The following PDXDC1 variants were observed in gnomAD, a reference collection of about 807,000 sequenced individuals.
PDXDC1 encodes the protein pyridoxal dependent decarboxylase domain containing 1.
Under a neutral mutation model 100.1 loss-of-function variants are expected in PDXDC1, and 42 were observed. The observed-to-expected ratio is 0.42, with a 90% CI of 0.33 to 0.54. The LOEUF is 0.54. PDXDC1 is among the 20% of genes least tolerant of loss of function. The pLI, the probability that PDXDC1 is intolerant of heterozygous loss-of-function variation, is 0.10. For missense variants in PDXDC1, 636 were observed against 979.2 expected, an observed-to-expected ratio of 0.65 and a Z score of 4.68; for synonymous variants, 260 against 371.7, an observed-to-expected ratio of 0.70 and a Z score of 3.46.
downstream of PDXDC1, among the ~76,000 whole-genome samples, chr16:15,143,695 T>A (rs574657695): frequency 2.4e-4 from 37 of 152,288 alleles, no homozygotes; most frequent in Admixed American, 1.2e-3. Flanking sequence ...CGTGCAACAG[T>A]GGGACTGAGA....
At chr16:15,148,930 A>G in the PDXDC1 span, among the ~76,000 whole-genome samples, 2 of 152,064 alleles carry the variant, frequency 1.3e-5, no homozygotes, top group Non-Finnish European at 2.9e-5. Context: ...ATTTTTGTCC[A>G]CAAGTTTGGC....
At chr16:15,041,496 A>G (rs773329039), downstream of PDXDC1, 7 of 764,928 alleles carry the variant, frequency 9.2e-6, no homozygotes, top group Admixed American at 3.5e-5. Context: ...CACCACAGGA[A>G]GAGCCGGAAC....
chr16:15,104,309 G>C (rs2046681460), intron 16 of PDXDC1: 1 of 1,508,930 alleles, frequency 6.6e-7, no homozygotes, highest in African/African-American at 1.4e-5. Flanking sequence ...AAGGACTGCA[G>C]TATTCATTTT....
chr16:15,050,052 A>C (rs2044236458), intron 16 of PDXDC1, among the ~76,000 whole-genome samples: 1 of 152,192 alleles, frequency 6.6e-6, no homozygotes, highest in Non-Finnish European at 1.5e-5. Flanking sequence ...CTCTTCTCTC[A>C]ATGTTCTATC....
chr16:14,978,454 A>G (rs531101769), intron 1 of PDXDC1, among the ~76,000 whole-genome samples: 223 of 152,328 alleles, frequency 1.5e-3, no homozygotes, highest in African/African-American at 4.4e-3. Flanking sequence ...CCGTGGTACA[A>G]TCTCGGCTCA....
intron 11 of PDXDC1, among the ~76,000 whole-genome samples, chr16:15,018,580 T>C (rs2041962814): frequency 6.6e-6 from 1 of 152,276 alleles, no homozygotes. Context: ...GGTTCTGGGA[T>C]GTGACCCATC....
At position 15,035,501 on chromosome 16, in the gene PDXDC1, A is replaced by C. The variant is rs760124297; in HGVS notation, c.2055A>C (p.Gly685=). The C allele has an allele frequency of 2.2e-5, 35 of 1,612,708 alleles. No homozygotes were observed. Among genetic ancestry groups the C allele is most frequent in the Non-Finnish European group, 1.5e-5 (18 of 1,179,656 alleles). Residue 685 remains glycine, a synonymous_variant, in exon 22 of 23, where the codon GGA becomes GGC. Transcript: ENST00000396410. ...PIYVYKAQGA[G]VTLPPTPSGS... is the part of the protein sequence containing the mutation. ...ATGTCTACAAAGCACAAGGTGCAGG[A>C]GTCACGCTGCCTCCAACGCCCTCGG...
intron 8 of PDXDC1, chr16:15,010,471 A>G (rs2041166698): frequency 6.5e-6 from 1 of 154,504 alleles, no homozygotes; most frequent in Non-Finnish European, 1.5e-5. Context: ...GTAACATAGC[A>G]AGACCCCATC....
chr16:15,121,023 T>C (rs1241870137), intron 16 of PDXDC1, among the ~76,000 whole-genome samples: 2 of 90,676 alleles, frequency 2.2e-5, no homozygotes, highest in African/African-American at 5.4e-5. Context: ...GCATGAATAG[T>C]GTGGGATTTC....
chr16:14,992,770 G>A (rs1263809313), intron 1 of PDXDC1, among the ~76,000 whole-genome samples: 1 of 152,274 alleles, frequency 6.6e-6, no homozygotes, highest in African/African-American at 2.4e-5. Context: ...ATGGCCATAG[G>A]CAAGTCGCTT....
chr16:15,128,305 T>G lies in PDXDC1; in HGVS notation c.1400-10574T>G, dbSNP rs770620500. On this transcript the variant is annotated intron_variant, in intron 16 of 16. Transcript: ENST00000535621. ...CCGGAAGATGTCCAGGCTGTTGCGGTGGAAGGCTCTGTCGCCATCCAGGTG... is the reference window on the plus strand; with the variant it reads ...CCGGAAGATGTCCAGGCTGTTGCGGGGGAAGGCTCTGTCGCCATCCAGGTG... 1.9e-6 allele frequency: 3 copies of G among 1,610,156 alleles called. No individual in the cohort carries two copies. In the African/African-American group the frequency reaches 4.0e-5, roughly 22 times the overall value.
intron 16 of PDXDC1, chr16:15,104,473 TC>T: frequency 2.6e-6 from 1 of 389,976 alleles, no homozygotes; most frequent in African/African-American, 3.9e-5. Context: ...GCAGACACAC[TC>T]GGGAGGTGTC....
intron 16 of PDXDC1, among the ~76,000 whole-genome samples, chr16:15,071,946 G>A (rs1261846208): frequency 6.6e-6 from 1 of 152,124 alleles, no homozygotes; most frequent in African/African-American, 2.4e-5. Flanking sequence ...GGGCACTCCT[G>A]TGAGTGCAAA....
chr16:15,031,640 G>C, intron 16 of PDXDC1, 95 bp from the exon 17 acceptor site: 2 of 1,065,862 alleles, frequency 1.9e-6, no homozygotes, highest in Non-Finnish European at 2.8e-6. Flanking sequence ...GGAGTACCTC[G>C]AGCTTTTGAC....
At chr16:15,048,156 T>C in intron 16 of PDXDC1, 1 of 1,296,406 alleles carries the variant, frequency 7.7e-7, no homozygotes, top group Non-Finnish European at 1.1e-6. Context: ...ATGGAAAAAC[T>C]AAAGATGTGG....
chr16:15,126,000 A>G (rs942993372), intron 16 of PDXDC1: 3 of 598,330 alleles, frequency 5.0e-6, no homozygotes, highest in East Asian at 5.5e-5. Context: ...AACACTTGAC[A>G]GCAGACTGGT....
chr16:15,012,612 A>C (rs2041412662), intron 8 of PDXDC1, among the ~76,000 whole-genome samples: 1 of 152,290 alleles, frequency 6.6e-6, no homozygotes, highest in Non-Finnish European at 1.5e-5. Context: ...GGGAAGGCTG[A>C]GACTGCGAGA....
At chr16:15,039,522 CT>C, downstream of PDXDC1, among the ~76,000 whole-genome samples, 1 of 152,244 alleles carries the variant, frequency 6.6e-6, no homozygotes, top group East Asian at 1.9e-4. Flanking sequence ...GGGAATCAGA[CT>C]TTAAATTAAT....
Position 15,033,333 on chromosome 16 carries a change from C to T in PDXDC1, c.1746C>T (p.Asn582=), listed in dbSNP as rs761085473. 6.3e-5 allele frequency: 102 copies of T among 1,614,180 alleles called. No homozygotes were observed. In the East Asian group the frequency reaches 1.7e-3, roughly 27 times the overall value. The change falls in exon 19 of 23, where the codon AAC becomes AAT. Residue 582 remains asparagine (N), a synonymous_variant. Transcript: ENST00000396410. ...TTTATGTCGGCATGGCGAGCGACAA[C>T]GTCGATGCTGCTGAGCTCGTGGAGA... The part of the protein sequence containing the change: ...SCLYVGMASD[N]VDAAELVETI...
Sources: allele counts gnomAD v4.1 joint callset (sites outside exome capture counted in the v4.1 genomes callset), GRCh38; gene constraint gnomAD v4.1.1; transcripts MANE v1.5; gene names NCBI Gene and HGNC (gene_info 2026-07-23, HGNC 2026-07-21).